The following CCDC171 variants were observed in gnomAD, a reference collection of about 807,000 sequenced individuals.
CCDC171 encodes coiled-coil domain containing 171, also known as coiled-coil domain-containing protein 171.
CCDC171 carries 177 observed loss-of-function variants against 168.2 expected under a neutral mutation model. That is an observed-to-expected ratio of 1.05 (90% CI 0.93 to 1.19). CCDC171 has a LOEUF of 1.19. Among genes scored for constraint, CCDC171 ranks in the 50% most tolerant of loss-of-function variants. CCDC171 has a pLI of 0.00. For synonymous variants in CCDC171, 687 were observed against 540.8 expected (o/e 1.27, Z -3.75); for missense variants, 1,991 against 1,539.0 (o/e 1.29, Z -4.91).
chr9:16,098,002 T>G, the CCDC171 span, among the ~76,000 whole-genome samples: 2 of 152,202 alleles, frequency 1.3e-5, no homozygotes, highest in African/African-American at 4.8e-5. Context: ...CAGTGCCTAC[T>G]GTGAGAAATA....
At position 15,623,466 on chromosome 9, in the gene CCDC171, C is replaced by CGCGCGCGCGCGT. The variant is rs1472394144; in HGVS notation, c.822+63_822+64insGTGCGCGCGCGC. On this transcript the variant is annotated intron_variant, in intron 7 of 25. Transcript: ENST00000380701. Reference sequence around the variant, plus strand: ...ATATGCGTACAAACTTTCACATATGCGCGCGCGCGCACACACACACACACA... The same window carrying CGCGCGCGCGCGT: ...ATATGCGTACAAACTTTCACATATGCGCGCGCGCGCGTGCGCGCGCGCACACACACACACACA... 12 of 704,614 alleles carry CGCGCGCGCGCGT rather than the reference C, an allele frequency of 1.7e-5. 2 individuals carry two copies. The Admixed American group carries it at 2.1e-4, about 12-fold the overall frequency. 43.6% of individuals were successfully genotyped at this position (704,614 alleles called of 1,614,324 possible).
chr9:16,087,557 CTTTTTTTTTTT>C, the CCDC171 span, among the ~76,000 whole-genome samples: 10 of 78,790 alleles, frequency 1.3e-4, no homozygotes, highest in African/African-American at 5.0e-4. Flanking sequence ...GCAACTCCTG[CTTTTTTTTTTT>C]TTTTTTTTTT....
chr9:15,790,675 C>A (rs555386630), intron 21 of CCDC171, among the ~76,000 whole-genome samples: 1 of 152,270 alleles, frequency 6.6e-6, no homozygotes, highest in African/African-American at 2.4e-5. Flanking sequence ...CTTGCCCATG[C>A]CTATGTCCTG....
chr9:16,071,797 C>CACTG, the CCDC171 span, among the ~76,000 whole-genome samples: 495 of 152,170 alleles, frequency 3.3e-3, no homozygotes, highest in Non-Finnish European at 5.9e-3. Context: ...TTGCTTCATC[C>CACTG]ACTGCCATTC....
chr9:15,598,334 T>C (rs957492671), intron 6 of CCDC171, among the ~76,000 whole-genome samples: 5 of 152,100 alleles, frequency 3.3e-5, no homozygotes, highest in African/African-American at 1.2e-4. Flanking sequence ...GTCCCAGAGA[T>C]TCTGGTATGT....
At chr9:15,726,037 T>C (rs1035489438) in intron 14 of CCDC171, among the ~76,000 whole-genome samples, 2 of 152,164 alleles carry the variant, frequency 1.3e-5, no homozygotes, top group African/African-American at 4.8e-5. Context: ...GTGGAACTGG[T>C]TTATCTAAGT....
intron 3 of CCDC171, among the ~76,000 whole-genome samples, chr9:16,003,304 C>A (rs57716167): frequency 6.6e-6 from 1 of 152,252 alleles, no homozygotes; most frequent in African/African-American, 2.4e-5. Flanking sequence ...CCTTCCAGTT[C>A]TACAATGCCA....
intron 3 of CCDC171, among the ~76,000 whole-genome samples, chr9:15,980,283 C>G (rs1027738185): frequency 6.6e-6 from 1 of 152,146 alleles, no homozygotes; most frequent in Non-Finnish European, 1.5e-5. Context: ...CGAATTCAAA[C>G]AACAACTGGA....
chr9:15,910,498 G>A (rs920025414), intron 24 of CCDC171, among the ~76,000 whole-genome samples: 2 of 151,948 alleles, frequency 1.3e-5, no homozygotes, highest in Non-Finnish European at 2.9e-5. Flanking sequence ...GTTAGGTTAT[G>A]TGATGTCTCT....
intron 15 of CCDC171, 66 bp from the exon 16 acceptor site, chr9:15,729,544 G>T: frequency 1.0e-6 from 1 of 976,070 alleles, no homozygotes; most frequent in Non-Finnish European, 1.5e-6. Flanking sequence ...GTATTTTATT[G>T]GGGGAGATGA....
chr9:16,049,895 TGTTTGTA>T (rs937418206), intron 1 of CCDC171, among the ~76,000 whole-genome samples: 4 of 152,192 alleles, frequency 2.6e-5, no homozygotes, highest in African/African-American at 9.7e-5. Context: ...TTGTTTTTTT[TGTTTGTA>T]TTTTGACAGA....
chr9:15,943,855 T>C (rs1827993952), intron 25 of CCDC171, among the ~76,000 whole-genome samples: 1 of 151,944 alleles, frequency 6.6e-6, no homozygotes, highest in African/African-American at 2.4e-5. Flanking sequence ...TAAATGCTCA[T>C]GGGGTTTGAA....
At chr9:16,105,753 T>G in the CCDC171 span, among the ~76,000 whole-genome samples, 2 of 152,218 alleles carry the variant, frequency 1.3e-5, no homozygotes, top group African/African-American at 4.8e-5. Flanking sequence ...AATGCTACAT[T>G]GGCCAGTTGC....
intron 1 of CCDC171, among the ~76,000 whole-genome samples, chr9:16,045,462 G>C (rs1459490776): frequency 6.6e-6 from 1 of 152,130 alleles, no homozygotes; most frequent in African/African-American, 2.4e-5. Context: ...GGTGCTGGTA[G>C]CACTCCTTCC....
chr9:16,084,744 C>T, the CCDC171 span, among the ~76,000 whole-genome samples: 76 of 152,232 alleles, frequency 5.0e-4, no homozygotes, highest in African/African-American at 1.8e-3. Flanking sequence ...AAGATTGGAT[C>T]CAGGCAGGGT....
intron 23 of CCDC171, among the ~76,000 whole-genome samples, chr9:15,867,771 T>C (rs905399169): frequency 6.6e-6 from 1 of 152,116 alleles, no homozygotes. Context: ...GTATCTGTCT[T>C]TATCCTTTAA....
intron 21 of CCDC171, among the ~76,000 whole-genome samples, chr9:15,797,017 G>A (rs1292560968): frequency 2.0e-5 from 3 of 152,158 alleles, no homozygotes; most frequent in Admixed American, 6.5e-5. Context: ...AGCACTGTAC[G>A]AAAGTTCCAT....
intron 24 of CCDC171, among the ~76,000 whole-genome samples, chr9:15,892,095 AT>A (rs961645612): frequency 3.3e-5 from 5 of 152,176 alleles, no homozygotes; most frequent in Non-Finnish European, 7.4e-5. Flanking sequence ...AAAATGTTTT[AT>A]TTCCCCAACT....
chr9:15,763,743 A>G (rs918795200), intron 18 of CCDC171, among the ~76,000 whole-genome samples: 3 of 152,126 alleles, frequency 2.0e-5, no homozygotes, highest in Non-Finnish European at 4.4e-5. Flanking sequence ...CTGTGACTGT[A>G]GTTTGTTCTT....
Sources: gnomAD v4.1 joint callset for allele counts (sites outside exome capture counted in the v4.1 genomes callset) on GRCh38, gnomAD v4.1.1 for gene constraint, MANE v1.5 for transcripts, NCBI Gene and HGNC (gene_info 2026-07-23, HGNC 2026-07-21) for gene names.